Variants in TUSC7 observed in about 807,000 individuals in gnomAD.
The protein encoded by TUSC7 is tumor suppressor candidate 7.
chr3:116,711,392 A>G (rs1221087346), intron 1 of TUSC7, among the ~76,000 whole-genome samples: 1 of 152,168 alleles, frequency 6.6e-6, no homozygotes, highest in Non-Finnish European at 1.5e-5. Flanking sequence ...AGATTCTATA[A>G]TAGCAATATA....
intron 1 of TUSC7, chr3:116,710,148 T>C (rs919360906): frequency 1.3e-5 from 2 of 152,142 alleles, no homozygotes; most frequent in Admixed American, 6.6e-5. Flanking sequence ...TTTCCCAAGA[T>C]TTCAGTGGTA....
intron 1 of TUSC7, chr3:116,716,115 T>C (rs2051504305): frequency 6.6e-6 from 1 of 152,222 alleles, no homozygotes; most frequent in Non-Finnish European, 1.5e-5. Context: ...AGAGTTTCTA[T>C]ACTTATTTCT....
At chr3:116,711,696 A>G (rs1316857237) in intron 1 of TUSC7, among the ~76,000 whole-genome samples, 2 of 152,226 alleles carry the variant, frequency 1.3e-5, no homozygotes, top group Non-Finnish European at 2.9e-5. Context: ...AACTTTAAAC[A>G]TAAGCATAAA....
chr3:116,713,755 C>T (rs961446746), intron 1 of TUSC7, among the ~76,000 whole-genome samples: 4 of 152,134 alleles, frequency 2.6e-5, no homozygotes, highest in Non-Finnish European at 5.9e-5. Context: ...CACCTGAGGT[C>T]AGGAGTTCGA....
At chr3:116,716,726 C>T (rs544121947) in intron 1 of TUSC7, 3 of 152,294 alleles carry the variant, frequency 2.0e-5, no homozygotes, top group Admixed American at 6.5e-5. Context: ...ATCCAGTTCC[C>T]TCTTGTAGAG....
intron 1 of TUSC7, among the ~76,000 whole-genome samples, chr3:116,710,866 C>T (rs1028229727): frequency 1.3e-5 from 2 of 152,018 alleles, no homozygotes; most frequent in East Asian, 1.9e-4. Flanking sequence ...TGGCATTAAC[C>T]CCATAGATAT....
At chr3:116,715,375 C>T (rs1439959914) in intron 1 of TUSC7, among the ~76,000 whole-genome samples, 1 of 152,144 alleles carries the variant, frequency 6.6e-6, no homozygotes, top group African/African-American at 2.4e-5. Flanking sequence ...TGTAAGATTA[C>T]ATTTAGTTTT....
At chr3:116,712,212 T>C (rs1352156085) in intron 1 of TUSC7, 2 of 152,232 alleles carry the variant, frequency 1.3e-5, no homozygotes, top group Admixed American at 1.3e-4. Flanking sequence ...TGCAATTTTC[T>C]GCCTTTGTCA....
At chr3:116,714,128 A>G (rs2051486007) in intron 1 of TUSC7, 1 of 151,422 alleles carries the variant, frequency 6.6e-6, no homozygotes, top group African/African-American at 2.4e-5. Flanking sequence ...AGCATCTATT[A>G]CCATAATAGC....
intron 1 of TUSC7, among the ~76,000 whole-genome samples, chr3:116,715,206 C>T (rs546480347): frequency 1.3e-5 from 2 of 152,142 alleles, no homozygotes; most frequent in South Asian, 2.1e-4. Flanking sequence ...TTGTATGTAC[C>T]ACAGTTGATT....
At chr3:116,714,644 T>C (rs1220066079) in intron 1 of TUSC7, among the ~76,000 whole-genome samples, 5 of 152,122 alleles carry the variant, frequency 3.3e-5, no homozygotes, top group African/African-American at 1.2e-4. Flanking sequence ...GACAGAGCAG[T>C]GAAAAATGGC....
intron 1 of TUSC7, among the ~76,000 whole-genome samples, chr3:116,711,048 CT>C (rs1167253792): frequency 5.3e-5 from 8 of 152,104 alleles, no homozygotes; most frequent in African/African-American, 1.9e-4. Flanking sequence ...CTGGATTTTA[CT>C]TTCCCATCTT....
At chr3:116,711,101 T>C (rs1231701322) in intron 1 of TUSC7, among the ~76,000 whole-genome samples, 2 of 152,220 alleles carry the variant, frequency 1.3e-5, no homozygotes, top group Non-Finnish European at 2.9e-5. Flanking sequence ...GGGGAAGATA[T>C]GAATTTATAA....
At chr3:116,715,772 T>C (rs976490051) in intron 1 of TUSC7, among the ~76,000 whole-genome samples, 2 of 152,204 alleles carry the variant, frequency 1.3e-5, no homozygotes, top group African/African-American at 4.8e-5. Context: ...CTGTGCCTTA[T>C]GTTCTTATTC....
intron 1 of TUSC7, chr3:116,710,137 G>T (rs138126423): frequency 2.0e-5 from 3 of 152,182 alleles, no homozygotes; most frequent in Middle Eastern, 3.4e-3. Context: ...TTTTAAAATA[G>T]TTTCCCAAGA....
At chr3:116,716,161 T>C (rs1368805013) in intron 1 of TUSC7, 1 of 152,242 alleles carries the variant, frequency 6.6e-6, no homozygotes, top group Non-Finnish European at 1.5e-5. Context: ...TAAACTTATA[T>C]TAACATTTGC....
chr3:116,716,966 C>A (rs1265356245), intron 1 of TUSC7: 1 of 152,072 alleles, frequency 6.6e-6, no homozygotes, highest in Non-Finnish European at 1.5e-5. Flanking sequence ...AAAGTTTTGC[C>A]TTTGGAGACA....
At chr3:116,713,764 G>C (rs760026288) in intron 1 of TUSC7, among the ~76,000 whole-genome samples, 1 of 152,106 alleles carries the variant, frequency 6.6e-6, no homozygotes, top group Admixed American at 6.5e-5. Context: ...TCAGGAGTTC[G>C]AGACCAGCCT....
At position 116,712,587 on chromosome 3, in the gene TUSC7, A is replaced by T. The variant is rs1291985875; in HGVS notation, n.98+2711A>T. On this transcript the variant is annotated intron_variant and non_coding_transcript_variant, in intron 1 of 2. Transcript: ENST00000477805. ...GGACTAAATCTATGTAGCTTGGCAA[A>T]GCAACAACTGAGGTGGCGTATGAAA... 2.0e-5 allele frequency: 3 copies of T among 152,190 alleles called. No homozygotes were observed. The East Asian group carries it at 5.8e-4, about 29-fold the overall frequency. The allele number at this position is 152,190 out of a possible 1,614,324, so 9.4% of individuals were successfully genotyped here. A position where few individuals can be genotyped will look rare whatever the true frequency, so the allele number is the denominator to read the frequency against.
Sources: gnomAD v4.1 joint callset for allele counts (sites outside exome capture counted in the v4.1 genomes callset) on GRCh38, gnomAD v4.1.1 for gene constraint, MANE v1.5 for transcripts, NCBI Gene and HGNC (gene_info 2026-07-23, HGNC 2026-07-21) for gene names.